Variants in ESR1 observed in about 807,000 individuals in gnomAD.
The protein encoded by ESR1 is estrogen receptor 1.
ESR1 carries 12 observed loss-of-function variants against 52.7 expected under a neutral mutation model. The observed-to-expected ratio is 0.23, with a 90% confidence interval of 0.15 to 0.37. The LOEUF is 0.37. ESR1 is among the 10% of genes least tolerant of loss of function. The pLI is 1.00. For missense variants in ESR1, 584 were observed against 779.7 expected (o/e 0.75, Z 2.99); for synonymous variants, 305 against 316.8 (o/e 0.96, Z 0.39).
rs538973901 is a variant in ESR1 at position 151,814,640 on chromosome 6, C to CT, written c.452+6277dup. Among the ~76,000 whole-genome samples, 4 of 152,160 alleles carry CT rather than the reference C, an allele frequency of 2.6e-5. No individual in the cohort carries two copies. The South Asian group carries it at 8.3e-4, about 32-fold the overall frequency. On this transcript the variant is annotated intron_variant, in intron 1 of 7. Coordinates refer to ENST00000206249, the MANE Select transcript of ESR1 (RefSeq NM_000125.4). ...TCAAAAAGTGATGTTTTTCTTGTCT[C>CT]TGAGGATAGAAACTTCAACAAAATA...
At chr6:151,858,558 A>ACCCTGCCT (rs1788296488) in intron 2 of ESR1, among the ~76,000 whole-genome samples, 1 of 148,950 alleles carries the variant, frequency 6.7e-6, no homozygotes, top group Non-Finnish European at 1.5e-5. Flanking sequence ...CTGACCCATT[A>ACCCTGCCT]CCCTGCCTTT....
chr6:152,122,979 C>G (rs927618120), intron 6 of ESR1, among the ~76,000 whole-genome samples: 3 of 152,222 alleles, frequency 2.0e-5, no homozygotes, highest in African/African-American at 7.2e-5. Context: ...AATAACTGCT[C>G]TATACACATT....
chr6:151,753,309 A>C (rs1164350972), intron 2 of ESR1, among the ~76,000 whole-genome samples: 1 of 144,356 alleles, frequency 6.9e-6, no homozygotes, highest in East Asian at 2.0e-4. Context: ...AAAATGGGTT[A>C]TTTGATTGCA....
At chr6:151,775,609 C>T (rs930541815) in intron 2 of ESR1, among the ~76,000 whole-genome samples, 7 of 151,866 alleles carry the variant, frequency 4.6e-5, no homozygotes, top group Non-Finnish European at 8.8e-5. Context: ...TTAGCTGTGC[C>T]GTGGCGGGCG....
At chr6:152,128,278 T>A (rs2054222009) in exon 7 of ESR1, 1 of 152,228 alleles carries the variant, frequency 6.6e-6, no homozygotes, top group Non-Finnish European at 1.5e-5. Flanking sequence ...AATATGGTTA[T>A]TATGAATGTA....
At chr6:151,742,860 T>A (rs550595262) in intron 2 of ESR1, among the ~76,000 whole-genome samples, 1 of 152,184 alleles carries the variant, frequency 6.6e-6, no homozygotes, top group Non-Finnish European at 1.5e-5. Context: ...CTAGATGTTA[T>A]ATATACAAAG....
intron 6 of ESR1, among the ~76,000 whole-genome samples, chr6:152,071,229 A>ACCTT (rs370488765): frequency 0.22 from 33,777 of 151,998 alleles, 5,509 homozygotes; most frequent in African/African-American, 0.45. Context: ...ATATAACAAG[A>ACCTT]AAATTATTCT....
chr6:151,974,604 T>G (rs2039252906), intron 4 of ESR1, among the ~76,000 whole-genome samples: 1 of 152,228 alleles, frequency 6.6e-6, no homozygotes, highest in Admixed American at 6.5e-5. Context: ...GAAAGAGGAA[T>G]AATACTAGGA....
At chr6:151,942,142 G>A (rs899160865) in intron 3 of ESR1, among the ~76,000 whole-genome samples, 8 of 152,130 alleles carry the variant, frequency 5.3e-5, no homozygotes, top group African/African-American at 1.9e-4. Flanking sequence ...GGCAAATCTG[G>A]CAATAAAAGT....
At chr6:152,122,233 CTTG>C (rs1447136168) in intron 6 of ESR1, 1 of 770,398 alleles carries the variant, frequency 1.3e-6, no homozygotes, top group African/African-American at 1.7e-5. Flanking sequence ...TCCAAACCTT[CTTG>C]TTGTCTGTTT....
intron 2 of ESR1, among the ~76,000 whole-genome samples, chr6:151,710,663 G>T (rs568602142): frequency 6.6e-6 from 1 of 152,162 alleles, no homozygotes; most frequent in Admixed American, 6.5e-5. Flanking sequence ...ATGGTGGTTT[G>T]CTGCACCCAT....
chr6:151,798,725 G>T (rs927980587), intron 2 of ESR1, among the ~76,000 whole-genome samples: 1 of 152,098 alleles, frequency 6.6e-6, no homozygotes, highest in African/African-American at 2.4e-5. Context: ...AAAACAAGTA[G>T]GGTTTTTTGC....
At chr6:151,845,580 A>G (rs562101611) in intron 2 of ESR1, among the ~76,000 whole-genome samples, 6 of 152,268 alleles carry the variant, frequency 3.9e-5, no homozygotes, top group African/African-American at 1.4e-4. Flanking sequence ...AAAACAAACA[A>G]AACAACACCA....
exon 7 of ESR1, chr6:152,126,701 A>G (rs1370945374): frequency 6.6e-6 from 1 of 152,178 alleles, no homozygotes; most frequent in African/African-American, 2.4e-5. Flanking sequence ...TCTGTCCCAA[A>G]ATACCTAGAC....
At chr6:151,800,614 C>T (rs1470934418), upstream of ESR1, among the ~76,000 whole-genome samples, 4 of 152,100 alleles carry the variant, frequency 2.6e-5, no homozygotes, top group African/African-American at 9.7e-5. Context: ...CCTCCAGGAC[C>T]CACCCCAACC....
Position 151,880,548 on chromosome 6 carries a change from A to G in ESR1, c.644-107A>G, listed in dbSNP as rs1792730382. The G allele has an allele frequency of 3.8e-6, 3 of 785,888 alleles. No homozygotes were observed. The Admixed American group carries it at 5.1e-5, about 13-fold the overall frequency. The allele number at this position is 785,888 out of a possible 1,614,324, so 48.7% of individuals were successfully genotyped here. A position where few individuals can be genotyped will look rare whatever the true frequency, so the allele number is the denominator to read the frequency against. Reference sequence around the variant, plus strand: ...CAGGCAGGCTGGGGAGCAACATAGTAAGGCTGAGGAAGTGATAGGAAAACA... The same window carrying G: ...CAGGCAGGCTGGGGAGCAACATAGTGAGGCTGAGGAAGTGATAGGAAAACA... On this transcript the variant is annotated intron_variant, in intron 2 of 7. Coordinates refer to ENST00000206249, the MANE Select transcript of ESR1 (RefSeq NM_000125.4).
rs558341543 is a variant in ESR1, at chr6:152,115,574, A to G, written c.851-9692A>G. Among the ~76,000 whole-genome samples the G allele has an allele frequency of 3.3e-5, 5 of 152,368 alleles. No homozygotes were observed. In the South Asian group the frequency reaches 1.0e-3, roughly 32 times the overall value. On this transcript the variant is annotated intron_variant, in intron 6 of 6. Transcript: ENST00000427531. Reference sequence around the variant, plus strand: ...GACTAACTAGAATCTACCAAGGAAAAAGAACCTGCCAGGTTTGATGACATA... The same window carrying G: ...GACTAACTAGAATCTACCAAGGAAAGAGAACCTGCCAGGTTTGATGACATA...
intron 2 of ESR1, among the ~76,000 whole-genome samples, chr6:151,705,796 G>A (rs1780144252): frequency 6.6e-6 from 1 of 152,170 alleles, no homozygotes; most frequent in South Asian, 2.1e-4. Context: ...GGTGGCAAGA[G>A]GAAGGGACTG....
chr6:151,795,037 A>G (rs967793544), intron 2 of ESR1, among the ~76,000 whole-genome samples: 14 of 152,218 alleles, frequency 9.2e-5, no homozygotes, highest in African/African-American at 3.4e-4. Context: ...TAATGGAGCA[A>G]AATAGCAAGA....
Sources: allele counts gnomAD v4.1 joint callset (sites outside exome capture counted in the v4.1 genomes callset), GRCh38; gene constraint gnomAD v4.1.1; transcripts MANE v1.5; gene names NCBI Gene and HGNC (gene_info 2026-07-23, HGNC 2026-07-21).